Variants in MAP3K3 observed in about 807,000 individuals in gnomAD.
MAP3K3 encodes the protein MAP/ERK kinase kinase 3.
Under a neutral mutation model 80.9 loss-of-function variants are expected in MAP3K3, and 12 were observed. That is an observed-to-expected ratio of 0.15 (90% CI 0.10 to 0.24). MAP3K3 has a LOEUF of 0.24. MAP3K3 is among the 10% of genes least tolerant of loss of function. The pLI, the probability that MAP3K3 is intolerant of heterozygous loss-of-function variation, is 1.00. For synonymous variants in MAP3K3, 272 were observed against 307.1 expected (o/e 0.89, Z 1.19); for missense variants, 596 against 834.7 (o/e 0.71, Z 3.52).
At chr17:63,662,053 G>A (rs2034903012) in intron 5 of MAP3K3, among the ~76,000 whole-genome samples, 2 of 151,626 alleles carry the variant, frequency 1.3e-5, no homozygotes, top group South Asian at 4.2e-4. Context: ...CAGTGAGCCA[G>A]GATTGCGCCA....
chr17:63,641,364 T>A (rs1409005535), intron 2 of MAP3K3, among the ~76,000 whole-genome samples: 1 of 151,760 alleles, frequency 6.6e-6, no homozygotes, highest in Non-Finnish European at 1.5e-5. Flanking sequence ...TGCCTCAGCC[T>A]CCCGAATAGC....
At chr17:63,649,903 CCT>C (rs1319656810) in intron 3 of MAP3K3, among the ~76,000 whole-genome samples, 1 of 152,104 alleles carries the variant, frequency 6.6e-6, no homozygotes, top group East Asian at 1.9e-4. Context: ...GGTTTAGATC[CCT>C]CTCTCTTGTG....
chr17:63,669,862 G>A (rs759283415), intron 6 of MAP3K3, among the ~76,000 whole-genome samples: 20 of 152,250 alleles, frequency 1.3e-4, no homozygotes, highest in Non-Finnish European at 2.2e-4. Flanking sequence ...AGCACTTTAG[G>A]AGGCCGAGTT....
chr17:63,651,336 G>A (rs768560610), intron 3 of MAP3K3, among the ~76,000 whole-genome samples: 3 of 152,108 alleles, frequency 2.0e-5, no homozygotes, highest in Admixed American at 6.6e-5. Flanking sequence ...TAAAAAATTA[G>A]TCGGTGCATG....
At chr17:63,671,439 A>T (rs1371272186) in intron 6 of MAP3K3, among the ~76,000 whole-genome samples, 2 of 152,050 alleles carry the variant, frequency 1.3e-5, no homozygotes, top group African/African-American at 2.4e-5. Context: ...TATTTTTAGT[A>T]GAGACGGGGT....
rs138946967 is a variant in MAP3K3 at position 63,692,682 on chromosome 17, TCTGAAGGC to T, written c.1652+275_1652+282del. 0.013 allele frequency among the ~76,000 whole-genome samples: 1,962 copies of T among 152,312 alleles called. 42 individuals carry two copies. The highest frequency in any genetic ancestry group is 0.044 in the African/African-American group (1,844 of 41,544). On this transcript the variant is annotated intron_variant, in intron 15 of 15. Coordinates refer to ENST00000361733, the MANE Select transcript of MAP3K3 (RefSeq NM_002401.5). This position sits in a 1 kb window ranked among gnomAD's most constrained non-coding sequence, Gnocchi z 4.5. ...AATCTCTTAAGGAAGCAGGATCCAC[TCTGAAGGC>T]CTGAAGGCCTGGACCAGTCTCTCAA...
chr17:63,639,938 G>A (rs2034407714), intron 2 of MAP3K3, among the ~76,000 whole-genome samples: 2 of 152,068 alleles, frequency 1.3e-5, no homozygotes, highest in African/African-American at 4.8e-5. Context: ...CTGGGATCAA[G>A]GGGAAAGGGT....
Position 63,678,265 on chromosome 17 carries a change from C to G in MAP3K3, c.503-3501C>G, listed in dbSNP as rs529988004. Reference sequence around the variant, plus strand: ...ATATTTTTTTAAGAAAAAAAAATTGCCTTGACTGATTTTATTGCTCTGTTA... The same window carrying G: ...ATATTTTTTTAAGAAAAAAAAATTGGCTTGACTGATTTTATTGCTCTGTTA... On this transcript the variant is annotated intron_variant, in intron 6 of 15. Transcript: ENST00000361733. 1.8e-3 allele frequency among the ~76,000 whole-genome samples: 274 copies of G among 152,082 alleles called. 1 individual carries two copies. Among genetic ancestry groups the G allele is most frequent in the African/African-American group, 6.4e-3 (266 of 41,418 alleles).
rs1424584715 is a variant in MAP3K3 at position 63,690,337 on chromosome 17, C to T, written c.1137C>T (p.Cys379=). Residue 379 remains cysteine, a synonymous_variant, in exon 12 of 16, where the codon TGC becomes TGT. Transcript: ENST00000361733. ...GQGAFGRVYL[C]YDVDTGRELA... ...GTGCCTTCGGCAGGGTCTATTTGTGCTATGACGTGGACACGGGACGTGAAC... is the reference window on the plus strand; with the variant it reads ...GTGCCTTCGGCAGGGTCTATTTGTGTTATGACGTGGACACGGGACGTGAAC... 1.2e-6 allele frequency: 2 copies of T among 1,614,198 alleles called. No individual in the cohort carries two copies. Among genetic ancestry groups the T allele is most frequent in the Non-Finnish European group, 1.7e-6 (2 of 1,180,020 alleles).
At chr17:63,662,807 G>A (rs1263232295) in intron 5 of MAP3K3, among the ~76,000 whole-genome samples, 4 of 151,620 alleles carry the variant, frequency 2.6e-5, no homozygotes, top group African/African-American at 4.9e-5. Context: ...ACAGGCGTGC[G>A]CCACTACGCC....
intron 2 of MAP3K3, among the ~76,000 whole-genome samples, chr17:63,635,065 C>T (rs1013461977): frequency 6.6e-6 from 1 of 152,150 alleles, no homozygotes; most frequent in Non-Finnish European, 1.5e-5. Context: ...GTTTTGTAGC[C>T]ACTAGCTACA....
Position 63,689,360 on chromosome 17 carries a change from T to C in MAP3K3, c.872-184T>C. On this transcript the variant is annotated intron_variant, in intron 10 of 15. Transcript: ENST00000361733. The surrounding 1 kb of genome is among the most constrained non-coding windows in gnomAD (Gnocchi z 4.3). Reference sequence around the variant, plus strand: ...TTGGAGTGCTTGGGACAGCAGCCTCTGTGGAATGAGTCAGGTGGGAGTGCG... The same window carrying C: ...TTGGAGTGCTTGGGACAGCAGCCTCCGTGGAATGAGTCAGGTGGGAGTGCG... 1.7e-6 allele frequency: 1 copy of C among 593,964 alleles called. No individual in the cohort carries two copies. Among genetic ancestry groups the C allele is most frequent in the Non-Finnish European group, 3.0e-6 (1 of 334,638 alleles). 36.8% of individuals were successfully genotyped at this position (593,964 alleles called of 1,614,324 possible).
chr17:63,637,957 A>G (rs1164821517), intron 2 of MAP3K3, among the ~76,000 whole-genome samples: 1 of 152,198 alleles, frequency 6.6e-6, no homozygotes. Context: ...TTCTAGAGGA[A>G]GAGAATTCCA....
intron 2 of MAP3K3, among the ~76,000 whole-genome samples, chr17:63,633,492 A>G (rs1379278007): frequency 6.6e-6 from 1 of 152,236 alleles, no homozygotes; most frequent in African/African-American, 2.4e-5. Context: ...AAATTTATTA[A>G]TTAAAATGTC....
chr17:63,645,258 G>C (rs1367639248), intron 2 of MAP3K3, among the ~76,000 whole-genome samples: 1 of 152,034 alleles, frequency 6.6e-6, no homozygotes, highest in Non-Finnish European at 1.5e-5. Context: ...AGCCGATATT[G>C]TGCTACTGCA....
chr17:63,663,625 T>G (rs1256255161), intron 5 of MAP3K3, among the ~76,000 whole-genome samples: 2 of 152,210 alleles, frequency 1.3e-5, no homozygotes, highest in Non-Finnish European at 2.9e-5. Flanking sequence ...CTAATCTCAA[T>G]TTGGATGAAC....
chr17:63,670,654 G>C (rs1317364035), intron 6 of MAP3K3, among the ~76,000 whole-genome samples: 1 of 151,540 alleles, frequency 6.6e-6, no homozygotes, highest in Non-Finnish European at 1.5e-5. Flanking sequence ...GATGGGACCT[G>C]ATCCTGATCT....
At chr17:63,684,387 A>G (rs2035404429) in intron 7 of MAP3K3, among the ~76,000 whole-genome samples, 1 of 152,182 alleles carries the variant, frequency 6.6e-6, no homozygotes, top group Non-Finnish European at 1.5e-5. Flanking sequence ...ATTTAAAGCA[A>G]TTCTCTCCGA....
intron 3 of MAP3K3, 62 bp downstream of exon 3, chr17:63,646,136 A>G: frequency 6.9e-7 from 1 of 1,440,028 alleles, no homozygotes; most frequent in East Asian, 2.3e-5. Context: ...GATAGCATTG[A>G]GTTCATGGAA....
Sources: allele counts gnomAD v4.1 joint callset (sites outside exome capture counted in the v4.1 genomes callset), GRCh38; gene constraint gnomAD v4.1.1; non-coding constraint Gnocchi (gnomAD v3.1); transcripts MANE v1.5; gene names NCBI Gene and HGNC (gene_info 2026-07-23, HGNC 2026-07-21).